LRRC4C: variants seen among roughly 807,000 people sequenced by gnomAD.
LRRC4C encodes the protein leucine rich repeat containing 4C, also known as leucine-rich repeat-containing protein 4C.
LRRC4C carries 5 observed loss-of-function variants against 33.6 expected under a neutral mutation model. That is an observed-to-expected ratio of 0.15 (90% CI 0.08 to 0.31). The LOEUF is 0.31. Among genes scored for constraint, LRRC4C ranks in the 10% least tolerant of loss-of-function variants. The pLI is 1.00. For missense variants in LRRC4C, 560 were observed against 796.7 expected (o/e 0.70, Z 3.58); for synonymous variants, 329 against 302.0 (o/e 1.09, Z -0.93).
At chr11:41,051,891 T>C (rs1348796803) in intron 1 of LRRC4C, among the ~76,000 whole-genome samples, 5 of 152,178 alleles carry the variant, frequency 3.3e-5, no homozygotes, top group Non-Finnish European at 7.4e-5. Flanking sequence ...GAAAGCCAAA[T>C]TGGCCTTTGA....
intron 6 of LRRC4C, among the ~76,000 whole-genome samples, chr11:40,131,773 G>A (rs757859280): frequency 5.9e-5 from 9 of 152,022 alleles, no homozygotes; most frequent in African/African-American, 1.7e-4. Flanking sequence ...TCCATTATTC[G>A]TCTAGCACTG....
chr11:40,788,035 G>A (rs1950486817), intron 2 of LRRC4C, among the ~76,000 whole-genome samples: 2 of 152,128 alleles, frequency 1.3e-5, no homozygotes, highest in African/African-American at 4.8e-5. Context: ...CCACAATTTA[G>A]GCAGGGAGGT....
intron 1 of LRRC4C, among the ~76,000 whole-genome samples, chr11:41,137,202 A>C (rs1943303172): frequency 6.6e-6 from 1 of 152,022 alleles, no homozygotes; most frequent in Non-Finnish European, 1.5e-5. Flanking sequence ...AGATCATGCC[A>C]CTGCACTCCA....
At chr11:41,385,562 G>C (rs1953329074) in intron 1 of LRRC4C, among the ~76,000 whole-genome samples, 1 of 151,712 alleles carries the variant, frequency 6.6e-6, no homozygotes, top group South Asian at 2.1e-4. Context: ...GATTATTTAA[G>C]ACTTAATGAT....
chr11:40,276,439 C>A (rs1339774575), intron 4 of LRRC4C, among the ~76,000 whole-genome samples: 1 of 152,086 alleles, frequency 6.6e-6, no homozygotes, highest in Non-Finnish European at 1.5e-5. Context: ...GATATTAAAG[C>A]TACGGTTATA....
intron 5 of LRRC4C, among the ~76,000 whole-genome samples, chr11:40,144,824 T>C (rs907686118): frequency 5.9e-5 from 9 of 152,248 alleles, no homozygotes; most frequent in African/African-American, 1.7e-4. Flanking sequence ...CCCTATTACA[T>C]GGTCTTTTAA....
At chr11:40,654,280 T>G (rs7935118) in intron 2 of LRRC4C, among the ~76,000 whole-genome samples, 56,779 of 151,926 alleles carry the variant, frequency 0.37, 11,782 homozygotes, top group East Asian at 0.61. Flanking sequence ...TTTTGCACTG[T>G]GTGCTGGGAA....
chr11:41,068,976 A>G (rs1045462238), intron 1 of LRRC4C, among the ~76,000 whole-genome samples: 5 of 152,010 alleles, frequency 3.3e-5, no homozygotes, highest in African/African-American at 7.3e-5. Flanking sequence ...AAAAAAGAAA[A>G]CTCAGGCCAA....
At chr11:40,789,047 C>A (rs563145185) in intron 2 of LRRC4C, among the ~76,000 whole-genome samples, 1 of 142,136 alleles carries the variant, frequency 7.0e-6, no homozygotes, top group East Asian at 2.2e-4. Flanking sequence ...GAGCCGAGAT[C>A]GCGCCACTGC....
chr11:40,987,135 C>T (rs1853074110), intron 1 of LRRC4C, among the ~76,000 whole-genome samples: 1 of 152,158 alleles, frequency 6.6e-6, no homozygotes, highest in South Asian at 2.1e-4. Context: ...ATTCGGTATT[C>T]CTCCCTCCAG....
At chr11:40,450,986 C>A (rs963801435) in intron 3 of LRRC4C, among the ~76,000 whole-genome samples, 1 of 151,016 alleles carries the variant, frequency 6.6e-6, no homozygotes, top group Non-Finnish European at 1.5e-5. Context: ...TACAACATAC[C>A]AAAACTTATA....
chr11:40,411,164 G>T (rs1950142566), intron 3 of LRRC4C, among the ~76,000 whole-genome samples: 1 of 152,034 alleles, frequency 6.6e-6, no homozygotes, highest in African/African-American at 2.4e-5. Context: ...TATATTATTT[G>T]AATATACACT....
intron 1 of LRRC4C, among the ~76,000 whole-genome samples, chr11:41,378,870 T>TATCTCTAATCAA (rs1953037984): frequency 6.6e-6 from 1 of 151,968 alleles, no homozygotes. Flanking sequence ...TCAAACTCAA[T>TATCTCTAATCAA]ATCTCTAATC....
At chr11:40,674,269 A>G (rs1415793277) in intron 2 of LRRC4C, among the ~76,000 whole-genome samples, 6 of 152,230 alleles carry the variant, frequency 3.9e-5, no homozygotes, top group Admixed American at 1.3e-4. Flanking sequence ...TATCATGGAA[A>G]GAGCACTGGG....
intron 3 of LRRC4C, among the ~76,000 whole-genome samples, chr11:40,474,708 A>G (rs1430941934): frequency 6.6e-6 from 1 of 152,228 alleles, no homozygotes; most frequent in Non-Finnish European, 1.5e-5. Context: ...AATATCCAGA[A>G]TCTACAAGGA....
At chr11:41,128,967 T>C in intron 1 of LRRC4C, among the ~76,000 whole-genome samples, 1 of 152,106 alleles carries the variant, frequency 6.6e-6, no homozygotes, top group Admixed American at 6.6e-5. Flanking sequence ...AATTAGAAAA[T>C]GAATACAATT....
At chr11:40,445,774 G>C (rs1021180278) in intron 3 of LRRC4C, 1 of 152,140 alleles carries the variant, frequency 6.6e-6, no homozygotes. Flanking sequence ...GTGTTAATGA[G>C]TGGATGCAAC....
intron 2 of LRRC4C, among the ~76,000 whole-genome samples, chr11:40,834,956 G>A (rs60961593): frequency 2.0e-5 from 1 of 49,946 alleles, no homozygotes; most frequent in Non-Finnish European, 7.0e-5. Context: ...ACACAGCTGA[G>A]CAACCCACCC....
At chr11:40,870,529 A>T (rs1276147329) in intron 2 of LRRC4C, among the ~76,000 whole-genome samples, 2 of 152,186 alleles carry the variant, frequency 1.3e-5, no homozygotes, top group African/African-American at 4.8e-5. Context: ...TGAAGATTTC[A>T]TGGACATTTA....
Sources: gnomAD v4.1 joint callset for allele counts (sites outside exome capture counted in the v4.1 genomes callset) on GRCh38, gnomAD v4.1.1 for gene constraint, MANE v1.5 for transcripts, NCBI Gene and HGNC (gene_info 2026-07-23, HGNC 2026-07-21) for gene names.